PRR5: variants seen among roughly 807,000 people sequenced by gnomAD.
The protein encoded by PRR5 is proline rich 5, also known as proline-rich protein 5.
Under a neutral mutation model 30.6 loss-of-function variants are expected in PRR5, and 25 were observed. That is an observed-to-expected ratio of 0.82 (90% CI 0.60 to 1.14). The LOEUF is 1.14. Among genes scored for constraint, PRR5 ranks in the 50% most tolerant of loss-of-function variants. The pLI is 0.00. For missense variants in PRR5, 600 were observed against 547.1 expected, an observed-to-expected ratio of 1.10 and a Z score of -0.96; for synonymous variants, 286 against 247.1, an observed-to-expected ratio of 1.16 and a Z score of -1.48.
chr22:44,702,356 C>T lies in PRR5; in HGVS notation c.-119C>T. On this transcript the variant is annotated 5_prime_UTR_variant, in exon 1 of 8. Coordinates refer to ENST00000336985, the MANE Select transcript of PRR5 (RefSeq NM_181333.4). Reference sequence around the variant, plus strand: ...GGACCCCGCAGGACCGCTCGGCTTCCTGCTCTCGCCGGAGTTTCCGCGTAG... The same window carrying T: ...GGACCCCGCAGGACCGCTCGGCTTCTTGCTCTCGCCGGAGTTTCCGCGTAG... 8.4e-7 allele frequency: 1 copy of T among 1,184,568 alleles called. No homozygotes were observed. The highest frequency in any genetic ancestry group is 1.0e-6 in the Non-Finnish European group (1 of 955,654). The allele number at this position is 1,184,568 out of a possible 1,614,324, so 73.4% of individuals were successfully genotyped here. A position where few individuals can be genotyped will look rare whatever the true frequency, so the allele number is the denominator to read the frequency against.
At position 44,702,326 on chromosome 22, in the gene PRR5, G is replaced by C; in HGVS notation, c.-149G>C. On this transcript the variant is annotated 5_prime_UTR_variant, in exon 1 of 8. Coordinates refer to ENST00000336985, the MANE Select transcript of PRR5 (RefSeq NM_181333.4). The stretch of plus-strand genomic sequence containing the variant: ...GACCCGAGACGGAGGCGCGGGGCCG[G>C]GGCGGGACCCCGCAGGACCGCTCGG... 31 of 1,152,332 alleles carry C rather than the reference G, an allele frequency of 2.7e-5. No homozygotes were observed. The highest frequency in any genetic ancestry group is 3.3e-5 in the Non-Finnish European group (31 of 930,466). The allele number at this position is 1,152,332 out of a possible 1,614,324, so 71.4% of individuals were successfully genotyped here.
chr22:44,731,210 CA>C, intron 4 of PRR5: 1 of 265,332 alleles, frequency 3.8e-6, no homozygotes, highest in Non-Finnish European at 7.5e-6. Flanking sequence ...GTGTAGGTCT[CA>C]CCTGTGCCAG....
Position 44,702,438 on chromosome 22 carries a change from G to T in PRR5, c.-37G>T. 7.7e-7 allele frequency: 1 copy of T among 1,292,638 alleles called. No individual in the cohort carries two copies. The highest frequency in any genetic ancestry group is 2.5e-5 in the South Asian group (1 of 39,804). 80.1% of individuals were successfully genotyped at this position (1,292,638 alleles called of 1,614,324 possible). On this transcript the variant is annotated 5_prime_UTR_variant, in exon 1 of 8. Coordinates refer to ENST00000336985, the MANE Select transcript of PRR5 (RefSeq NM_181333.4). ...CGGCGTGGCGCAGGGCGCGGCGTGGGGCGCGCGTGGGCGCGGCGCAGGCGG... is the reference window on the plus strand; with the variant it reads ...CGGCGTGGCGCAGGGCGCGGCGTGGTGCGCGCGTGGGCGCGGCGCAGGCGG...
chr22:44,685,570 C>A (rs879810052), intron 1 of PRR5, among the ~76,000 whole-genome samples: 1 of 127,544 alleles, frequency 7.8e-6, no homozygotes, highest in Non-Finnish European at 1.7e-5. Context: ...GAAAGCCACA[C>A]CCCTCTCCCC....
At chr22:44,721,770 G>T (rs890644793) in intron 2 of PRR5, among the ~76,000 whole-genome samples, 10 of 152,178 alleles carry the variant, frequency 6.6e-5, no homozygotes, top group Non-Finnish European at 8.8e-5. Context: ...CAGGGGAGGG[G>T]TCTCGTCCAG....
chr22:44,710,285 AC>A (rs112076650), intron 1 of PRR5, among the ~76,000 whole-genome samples: 69,339 of 147,014 alleles, frequency 0.47, 16,085 homozygotes, highest in East Asian at 0.58. Context: ...CCTCACCTGC[AC>A]CCCCCCCCCA....
At chr22:44,713,477 C>T (rs2147073839) in intron 1 of PRR5, among the ~76,000 whole-genome samples, 1 of 152,338 alleles carries the variant, frequency 6.6e-6, no homozygotes, top group East Asian at 1.9e-4. Context: ...AGGTGATCCA[C>T]CCATCTTGGC....
Position 44,732,294 on chromosome 22 carries a change from G to A in PRR5, c.458G>A (p.Arg153Gln), listed in dbSNP as rs778926409. Residue 153 changes from arginine to glutamine, a missense_variant, in exon 6 of 8, where the codon CGG (arginine) becomes CAG (glutamine). Coordinates refer to ENST00000336985, the MANE Select transcript of PRR5 (RefSeq NM_181333.4). ...CGCCAGCTGGCCCTGCTGCACTTCCGGAATGCCATCACCCTCAGTGTGAAG... is the reference window on the plus strand; with the variant it reads ...CGCCAGCTGGCCCTGCTGCACTTCCAGAATGCCATCACCCTCAGTGTGAAG... Reference protein sequence around the residue: ...SVRQLALLHFRNAITLSVKLE... With the variant: ...SVRQLALLHFQNAITLSVKLE... The A allele has an allele frequency of 2.1e-5, 34 of 1,612,216 alleles. No individual in the cohort carries two copies. The highest frequency in any genetic ancestry group is 4.0e-5 in the African/African-American group (3 of 74,900).
At chr22:44,671,583 G>A (rs187705132) in intron 1 of PRR5, among the ~76,000 whole-genome samples, 42 of 152,254 alleles carry the variant, frequency 2.8e-4, no homozygotes, top group African/African-American at 1.0e-3. Flanking sequence ...AGGGAGAGGG[G>A]AAAGGTTAGG....
rs935924832 is a variant in PRR5, at chr22:44,714,666, C to T, written c.210C>T (p.Gly70=). 10 of 1,613,668 alleles carry T rather than the reference C, an allele frequency of 6.2e-6. No homozygotes were observed. The highest frequency in any genetic ancestry group is 8.5e-6 in the Non-Finnish European group (10 of 1,179,984). Residue 70 remains glycine (G), a synonymous_variant, in exon 2 of 8, where the codon GGC becomes GGT. Coordinates refer to ENST00000336985, the MANE Select transcript of PRR5 (RefSeq NM_181333.4). ...PDQELFSLNE[G]VRQLLKTELG... is the part of the protein sequence containing the mutation. The stretch of plus-strand genomic sequence containing the variant: ...AGGAGCTCTTCAGCCTCAACGAGGG[C>T]GTCCGGTGAGTGCCTGTCCCACCTT...
chr22:44,734,307 G>C (rs1922793642), intron 6 of PRR5: 1 of 152,206 alleles, frequency 6.6e-6, no homozygotes, highest in Admixed American at 6.5e-5. Context: ...TCTTGTCCCT[G>C]AACCCCCTGA....
chr22:44,737,489 G>A lies in PRR5; in HGVS notation c.*242G>A, dbSNP rs1413616654. 3.2e-5 allele frequency: 24 copies of A among 755,520 alleles called. 1 individual carries two copies. Among genetic ancestry groups the A allele is most frequent in the South Asian group, 1.0e-4 (4 of 39,200 alleles). The allele number at this position is 755,520 out of a possible 1,614,324, so 46.8% of individuals were successfully genotyped here. A position where few individuals can be genotyped will look rare whatever the true frequency, so the allele number is the denominator to read the frequency against. On this transcript the variant is annotated 3_prime_UTR_variant, in exon 8 of 8. Transcript: ENST00000336985. ...TTTACCCAGGGGCCGGGCCAGAGAC[G>A]GGGGTCGGCCGCTCGCTCCCACGCT...
At chr22:44,702,631 A>T in intron 1 of PRR5, 23 bp downstream of exon 1, 1 of 1,270,844 alleles carries the variant, frequency 7.9e-7, no homozygotes. Context: ...CCTCCCGGCC[A>T]CCCGGAGGCC....
intron 1 of PRR5, among the ~76,000 whole-genome samples, chr22:44,704,722 C>T (rs1441103657): frequency 6.6e-6 from 1 of 152,140 alleles, no homozygotes; most frequent in Non-Finnish European, 1.5e-5. Context: ...CAGCACCCCC[C>T]ACCGAGAGAT....
Position 44,721,423 on chromosome 22 carries a change from C to T in PRR5, c.216-3821C>T, listed in dbSNP as rs148330099. Among the ~76,000 whole-genome samples, 36 of 152,182 alleles carry T rather than the reference C, an allele frequency of 2.4e-4. No homozygotes were observed. The East Asian group carries it at 6.6e-3, about 28-fold the overall frequency. On this transcript the variant is annotated intron_variant, in intron 2 of 7. Transcript: ENST00000336985. ...AAGTGAAGCACCCTATGCAAACATC[C>T]GATTGGTTGTGGAAAGTGACCCATC...
chr22:44,727,334 G>C (rs998957095), intron 4 of PRR5, among the ~76,000 whole-genome samples: 1 of 152,204 alleles, frequency 6.6e-6, no homozygotes, highest in Admixed American at 6.5e-5. Flanking sequence ...TGCCCTGGGA[G>C]CGGGGTCAGG....
chr22:44,681,968 T>C (rs1184411974), intron 1 of PRR5, among the ~76,000 whole-genome samples: 2 of 151,964 alleles, frequency 1.3e-5, no homozygotes, highest in Non-Finnish European at 2.9e-5. Flanking sequence ...GCACAGTGGC[T>C]GGAGGGAGGA....
chr22:44,671,721 C>T (rs1240718161), intron 1 of PRR5, among the ~76,000 whole-genome samples: 1 of 152,188 alleles, frequency 6.6e-6, no homozygotes, highest in East Asian at 1.9e-4. Context: ...GGGGTGGGTT[C>T]TGGAGCCAGC....
At position 44,702,252 on chromosome 22, in the gene PRR5, C is replaced by A. The variant is rs1274463963; in HGVS notation, c.-223C>A. 3.5e-6 allele frequency: 4 copies of A among 1,135,084 alleles called. No homozygotes were observed. The highest frequency in any genetic ancestry group is 9.7e-5 in the Admixed American group (2 of 20,602). 70.3% of individuals were successfully genotyped at this position (1,135,084 alleles called of 1,614,324 possible). On this transcript the variant is annotated 5_prime_UTR_variant, in exon 1 of 8. Transcript: ENST00000336985. ...TGCTGGCCGCGCGCCTGGCGCTCCA[C>A]GCTGAGCCTCTCCGTGCAATGATTA...
Sources: allele counts gnomAD v4.1 joint callset (sites outside exome capture counted in the v4.1 genomes callset), GRCh38; gene constraint gnomAD v4.1.1; transcripts MANE v1.5; gene names NCBI Gene and HGNC (gene_info 2026-07-23, HGNC 2026-07-21).